MAGI2: variants seen among roughly 807,000 people sequenced by gnomAD.
MAGI2 encodes the protein membrane associated guanylate kinase, WW and PDZ domain containing 2, also known as membrane-associated guanylate kinase, WW and PDZ domain-containing protein 2.
MAGI2 carries 35 observed loss-of-function variants against 133.3 expected under a neutral mutation model. That is an observed-to-expected ratio of 0.26 (90% CI 0.20 to 0.35). MAGI2 has a LOEUF of 0.35. MAGI2 is among the 10% of genes least tolerant of loss of function. The pLI, the probability that MAGI2 is intolerant of heterozygous loss-of-function variation, is 1.00. For synonymous variants in MAGI2, 729 were observed against 710.6 expected (o/e 1.03, Z -0.41); for missense variants, 1,636 against 1,863.4 (o/e 0.88, Z 2.25).
At chr7:79,015,156 T>G (rs1414098067) in intron 1 of MAGI2, among the ~76,000 whole-genome samples, 1 of 152,176 alleles carries the variant, frequency 6.6e-6, no homozygotes, top group Admixed American at 6.5e-5. Flanking sequence ...TTTTAAGAAC[T>G]ATAAAGCCAG....
intron 1 of MAGI2, among the ~76,000 whole-genome samples, chr7:79,152,838 A>G (rs551985837): frequency 3.3e-5 from 5 of 152,322 alleles, no homozygotes; most frequent in Admixed American, 6.5e-5. Context: ...GAGAACTTTC[A>G]TCTCTATCTC....
chr7:78,070,172 CACATATATATATAT>C (rs1814380939), intron 21 of MAGI2, among the ~76,000 whole-genome samples: 1 of 28,888 alleles, frequency 3.5e-5, no homozygotes. Flanking sequence ...TACACACACA[CACATATATATATAT>C]ATATATATAT....
chr7:78,235,545 A>C (rs1330988036), intron 10 of MAGI2, among the ~76,000 whole-genome samples: 3 of 151,998 alleles, frequency 2.0e-5, no homozygotes, highest in African/African-American at 7.3e-5. Flanking sequence ...TGGTTTTATG[A>C]GGGACTTTTC....
intron 1 of MAGI2, among the ~76,000 whole-genome samples, chr7:79,369,793 C>A (rs1438348973): frequency 6.6e-6 from 1 of 152,040 alleles, no homozygotes; most frequent in Non-Finnish European, 1.5e-5. Flanking sequence ...AATACATCAT[C>A]CACTGCACGA....
intron 1 of MAGI2, among the ~76,000 whole-genome samples, chr7:79,083,462 T>C (rs1473385382): frequency 1.3e-5 from 2 of 151,712 alleles, no homozygotes; most frequent in Non-Finnish European, 3.0e-5. Flanking sequence ...TTTTTATTAA[T>C]GTAGGGCATT....
chr7:79,269,479 G>A (rs1268396917), intron 1 of MAGI2, among the ~76,000 whole-genome samples: 1 of 152,086 alleles, frequency 6.6e-6, no homozygotes, highest in Admixed American at 6.6e-5. Flanking sequence ...AGTGCTCAAT[G>A]TTTGGAAAAA....
intron 1 of MAGI2, among the ~76,000 whole-genome samples, chr7:79,024,803 T>C (rs1382938071): frequency 2.6e-5 from 4 of 151,798 alleles, no homozygotes; most frequent in African/African-American, 9.7e-5. Context: ...CACAATGAGA[T>C]ACCATCTCTC....
chr7:78,546,279 C>CTACTACTTCTAGTAT lies in MAGI2; in HGVS notation c.539-24635_539-24634insATACTAGAAGTAGTA, dbSNP rs1798828292. ...ATTTGTACTGCTACTACTTCTAGTA[C>CTACTACTTCTAGTAT]CTCTGCTACCACCACCACTATCATT... is the stretch of plus-strand genomic sequence containing the variant. On this transcript the variant is annotated intron_variant, in intron 3 of 21. Coordinates refer to ENST00000354212, the MANE Select transcript of MAGI2 (RefSeq NM_012301.4). 2.0e-5 allele frequency among the ~76,000 whole-genome samples: 3 copies of CTACTACTTCTAGTAT among 152,228 alleles called. No individual in the cohort carries two copies. In the South Asian group the frequency reaches 6.2e-4, roughly 32 times the overall value.
At chr7:78,786,209 C>A (rs765413684) in intron 2 of MAGI2, among the ~76,000 whole-genome samples, 4 of 152,090 alleles carry the variant, frequency 2.6e-5, no homozygotes, top group Non-Finnish European at 5.9e-5. Context: ...GCAGCAAATC[C>A]TGCCAGCTGT....
chr7:78,138,848 T>C (rs1822450655), intron 16 of MAGI2, among the ~76,000 whole-genome samples: 1 of 152,226 alleles, frequency 6.6e-6, no homozygotes, highest in Non-Finnish European at 1.5e-5. Context: ...TTCAAATCCT[T>C]GCCTATGGCT....
chr7:78,228,742 A>C (rs914290358), intron 10 of MAGI2, among the ~76,000 whole-genome samples: 2 of 152,238 alleles, frequency 1.3e-5, no homozygotes, highest in Non-Finnish European at 2.9e-5. Context: ...AAGGAAAAAA[A>C]CACTCATTAA....
intron 2 of MAGI2, among the ~76,000 whole-genome samples, chr7:78,884,157 A>T (rs1293114686): frequency 6.6e-6 from 1 of 152,108 alleles, no homozygotes; most frequent in African/African-American, 2.4e-5. Flanking sequence ...AGAACAAAAC[A>T]AGCAAAAAAC....
chr7:78,150,161 TC>T (rs1271722086), intron 16 of MAGI2, among the ~76,000 whole-genome samples: 1 of 152,144 alleles, frequency 6.6e-6, no homozygotes, highest in Non-Finnish European at 1.5e-5. Context: ...GTAGAAGCAC[TC>T]CCTAAGTTCC....
chr7:78,966,566 A>T (rs1185637485), intron 2 of MAGI2, among the ~76,000 whole-genome samples: 1 of 151,962 alleles, frequency 6.6e-6, no homozygotes, highest in East Asian at 1.9e-4. Context: ...TTCTTTATCT[A>T]CTCATCTGTT....
intron 1 of MAGI2, among the ~76,000 whole-genome samples, chr7:79,061,767 G>A (rs1016718267): frequency 3.9e-5 from 6 of 152,020 alleles, no homozygotes; most frequent in Admixed American, 1.3e-4. Flanking sequence ...GACCAATTAA[G>A]GTCTGCTATC....
chr7:78,502,700 G>C (rs557297797), intron 4 of MAGI2, among the ~76,000 whole-genome samples: 1 of 152,114 alleles, frequency 6.6e-6, no homozygotes, highest in East Asian at 1.9e-4. Flanking sequence ...GCATCCACTG[G>C]GGGTATTGGA....
At chr7:78,888,102 G>A (rs1245433767) in intron 2 of MAGI2, among the ~76,000 whole-genome samples, 1 of 152,164 alleles carries the variant, frequency 6.6e-6, no homozygotes. Flanking sequence ...TGGCTCAGAG[G>A]ATTCTACACC....
chr7:78,854,034 G>A (rs1049532902), intron 2 of MAGI2, among the ~76,000 whole-genome samples: 1 of 151,864 alleles, frequency 6.6e-6, no homozygotes, highest in Non-Finnish European at 1.5e-5. Flanking sequence ...AGCTGAGATG[G>A]CTATTGGAAA....
chr7:78,165,504 A>C (rs1336962005), intron 15 of MAGI2, among the ~76,000 whole-genome samples: 1 of 152,062 alleles, frequency 6.6e-6, no homozygotes, highest in African/African-American at 2.4e-5. Flanking sequence ...CTGTCTTCTG[A>C]GGTGGGGCGG....
Sources: allele counts gnomAD v4.1 joint callset (sites outside exome capture counted in the v4.1 genomes callset), GRCh38; gene constraint gnomAD v4.1.1; transcripts MANE v1.5; gene names NCBI Gene and HGNC (gene_info 2026-07-23, HGNC 2026-07-21).